The following BTK variants were observed in gnomAD, a reference collection of about 807,000 sequenced individuals.
BTK encodes the protein Bruton tyrosine kinase.
A neutral mutation model predicts 57.4 loss-of-function variants in BTK; 5 were observed. The observed-to-expected ratio is 0.09, with a 90% CI of 0.05 to 0.18. The LOEUF is 0.18. BTK is among the 10% of genes least tolerant of loss of function. BTK has a pLI of 1.00. For missense variants in BTK, 194 were observed against 501.2 expected, an observed-to-expected ratio of 0.39 and a Z score of 5.85; for synonymous variants, 154 against 174.3, an observed-to-expected ratio of 0.88 and a Z score of 0.92.
rs944763271 is a variant in BTK, at chrX:101,349,630, A to C, written c.*255T>G. On this transcript the variant is annotated 3_prime_UTR_variant, in exon 19 of 19. Transcript: ENST00000308731. ...GCTATTTACATCCTCCCTCCTAAAA[A>C]ATATTTTCATCGCAAATTCAGTCTG... 5.5e-6 allele frequency: 2 copies of C among 361,708 alleles called. No individual in the cohort carries two copies. The highest frequency in any genetic ancestry group is 9.6e-6 in the Non-Finnish European group (2 of 208,633). 29.8% of individuals were successfully genotyped at this position (361,708 alleles called of 1,213,427 possible).
chrX:101,386,700 T>G (rs1927620166), upstream of BTK, among the ~76,000 whole-genome samples: 1 of 111,271 alleles, frequency 9.0e-6, no homozygotes. Flanking sequence ...GAGACAAGAC[T>G]TCCCCGTGCT....
chrX:101,371,849 T>C (rs1927043398), intron 3 of BTK, 148 bp from the exon 4 acceptor site: 2 of 500,419 alleles, frequency 4.0e-6, no homozygotes, highest in Non-Finnish European at 7.1e-6. Flanking sequence ...TATAGGCCAA[T>C]AGGGACACAT....
intron 1 of BTK, among the ~76,000 whole-genome samples, chrX:101,383,170 T>G (rs1028517310): frequency 3.6e-5 from 4 of 112,043 alleles, no homozygotes; most frequent in African/African-American, 9.7e-5. Context: ...TGAGATCATA[T>G]TGCACATTCA....
chrX:101,366,161 A>T (rs1269043704), intron 5 of BTK, among the ~76,000 whole-genome samples: 1 of 110,291 alleles, frequency 9.1e-6, no homozygotes, highest in Non-Finnish European at 1.9e-5. Flanking sequence ...AATCCCAGCT[A>T]CTTGGGAGGC....
intron 12 of BTK, 111 bp from the exon 13 acceptor site, chrX:101,357,694 G>T: frequency 1.5e-6 from 1 of 651,181 alleles, no homozygotes; most frequent in Non-Finnish European, 2.6e-6. Flanking sequence ...AGTACATTTT[G>T]AATCCCAGAA....
Position 101,358,813 on chromosome X carries a change from C to T in BTK, c.895-117G>A. On this transcript the variant is annotated intron_variant, in intron 10 of 18. Coordinates refer to ENST00000308731, the MANE Select transcript of BTK (RefSeq NM_000061.3). Reference sequence around the variant, plus strand: ...CCCCTGATTTTACTGCCAAGTTCCACGCTTGAGCTACAGCCTCATTGCTTT... The same window carrying T: ...CCCCTGATTTTACTGCCAAGTTCCATGCTTGAGCTACAGCCTCATTGCTTT... 5 of 614,317 alleles carry T rather than the reference C, an allele frequency of 8.1e-6. No individual in the cohort carries two copies. In the South Asian group the frequency reaches 1.1e-4, roughly 14 times the overall value. The allele number at this position is 614,317 out of a possible 1,213,427, so 50.6% of individuals were successfully genotyped here.
rs1569289843 is a variant in BTK at position 101,349,880 on chromosome X, C to G, written c.*5G>C. On this transcript the variant is annotated 3_prime_UTR_variant, in exon 19 of 19. Transcript: ENST00000308731. Reference sequence around the variant, plus strand: ...GAAGTAGAACCAAGAAGCTTATTGGCGAGCTCAGGATTCTTCATCCATGAC... The same window carrying G: ...GAAGTAGAACCAAGAAGCTTATTGGGGAGCTCAGGATTCTTCATCCATGAC... 2 of 1,201,991 alleles carry G rather than the reference C, an allele frequency of 1.7e-6. No homozygotes were observed. The highest frequency in any genetic ancestry group is 1.7e-5 in the African/African-American group (1 of 57,311).
At chrX:101,382,470 C>G (rs920933881) in intron 1 of BTK, among the ~76,000 whole-genome samples, 1 of 110,673 alleles carries the variant, frequency 9.0e-6, no homozygotes, top group Admixed American at 9.7e-5. Flanking sequence ...TGGACTACAG[C>G]CGCACACCAT....
chrX:101,383,930 T>C (rs1276185456), intron 1 of BTK, among the ~76,000 whole-genome samples: 1 of 111,845 alleles, frequency 8.9e-6, no homozygotes, highest in African/African-American at 3.3e-5. Context: ...GATGGCTTCA[T>C]GCATAACCAA....
intron 7 of BTK, among the ~76,000 whole-genome samples, chrX:101,361,449 A>G (rs1926666022): frequency 2.8e-5 from 3 of 108,829 alleles, no homozygotes; most frequent in African/African-American, 3.4e-5. Context: ...AATGAGTATA[A>G]TAATACCTGC....
chrX:101,389,200 G>A (rs1321302026), upstream of BTK, among the ~76,000 whole-genome samples: 1 of 111,760 alleles, frequency 8.9e-6, no homozygotes, highest in Non-Finnish European at 1.9e-5. Flanking sequence ...ATTACACAGT[G>A]TATACACATA....
At chrX:101,356,661 A>T in intron 14 of BTK, 123 bp downstream of exon 14, 1 of 838,209 alleles carries the variant, frequency 1.2e-6, no homozygotes, top group Non-Finnish European at 1.8e-6. Context: ...AGTTAAAGGT[A>T]AACTTCAGTC....
Position 101,362,595 on chromosome X carries a change from A to G in BTK, c.486T>C (p.Ala162=). ...YLCCSQTAKN[A]MGCQILENRN... is the part of the protein sequence containing the mutation. ...TGTTCTCCAAAATTTGGCAGCCCATAGCATTTTTGGCTGTCTGAGAGCAGC... is the reference window on the plus strand; with the variant it reads ...TGTTCTCCAAAATTTGGCAGCCCATGGCATTTTTGGCTGTCTGAGAGCAGC... The change falls in exon 6 of 19, where the codon GCT becomes GCC. Residue 162 remains alanine (A), a synonymous_variant. Transcript: ENST00000308731. 4 of 1,212,159 alleles carry G rather than the reference A, an allele frequency of 3.3e-6. No homozygotes were observed. The highest frequency in any genetic ancestry group is 3.3e-6 in the Non-Finnish European group (3 of 895,587).
At chrX:101,359,417 G>C in intron 9 of BTK, 70 bp from the exon 10 acceptor site, 1 of 1,023,157 alleles carries the variant, frequency 9.8e-7, no homozygotes, top group Non-Finnish European at 1.4e-6. Context: ...CACCCTCCAG[G>C]GCTTGTCCAT....
Position 101,358,609 on chromosome X carries a change from G to T in BTK, c.974+8C>A. The T allele has an allele frequency of 8.3e-7, 1 of 1,206,420 alleles. No homozygotes were observed. The highest frequency in any genetic ancestry group is 1.8e-5 in the South Asian group (1 of 56,815). ...TTGTCCTCAGGGCCTTGGAATAGTAGCACTCACCCTGTGGATTTAGCAAAC... is the reference window on the plus strand; with the variant it reads ...TTGTCCTCAGGGCCTTGGAATAGTATCACTCACCCTGTGGATTTAGCAAAC... On this transcript the variant is annotated splice_region_variant and intron_variant, in intron 11 of 18. Transcript: ENST00000308731.
chrX:101,354,239 C>T, intron 16 of BTK: 1 of 422,400 alleles, frequency 2.4e-6, no homozygotes, highest in Non-Finnish European at 4.1e-6. Flanking sequence ...TACTCCCTTC[C>T]TCTTCTCTAT....
At chrX:101,370,456 A>T (rs1271433845) in intron 4 of BTK, among the ~76,000 whole-genome samples, 1 of 111,926 alleles carries the variant, frequency 8.9e-6, no homozygotes, top group African/African-American at 3.2e-5. Flanking sequence ...AAGAGAAATG[A>T]AGTGATAATC....
upstream of BTK, among the ~76,000 whole-genome samples, chrX:101,388,919 G>A (rs964988501): frequency 9.0e-6 from 1 of 111,451 alleles, no homozygotes; most frequent in Non-Finnish European, 1.9e-5. Context: ...TGAGTGCCTC[G>A]TCTTAGGGGA....
intron 5 of BTK, among the ~76,000 whole-genome samples, chrX:101,363,808 A>G (rs1467687710): frequency 9.2e-6 from 1 of 109,145 alleles, no homozygotes; most frequent in African/African-American, 3.3e-5. Context: ...ACACTAGAGC[A>G]AAGACCCAGG....
Sources: allele counts gnomAD v4.1 joint callset (sites outside exome capture counted in the v4.1 genomes callset), GRCh38; gene constraint gnomAD v4.1.1; transcripts MANE v1.5; gene names NCBI Gene and HGNC (gene_info 2026-07-23, HGNC 2026-07-21).